Variants in ENTREP2 observed in about 807,000 individuals in gnomAD.
ENTREP2 encodes the protein protein ENTREP2.
At chr15:29,125,550 C>T in the ENTREP2 span, among the ~76,000 whole-genome samples, 4 of 152,146 alleles carry the variant, frequency 2.6e-5, no homozygotes, top group Non-Finnish European at 5.9e-5. Context: ...CCCACTGCGC[C>T]CTCTTCAGGG....
At chr15:29,645,540 G>A in the ENTREP2 span, among the ~76,000 whole-genome samples, 7 of 150,364 alleles carry the variant, frequency 4.7e-5, no homozygotes, top group Admixed American at 4.6e-4. Context: ...TTTTTCTCAT[G>A]TGATTACCTT....
At chr15:29,629,072 T>C in the ENTREP2 span, among the ~76,000 whole-genome samples, 1 of 152,178 alleles carries the variant, frequency 6.6e-6, no homozygotes, top group African/African-American at 2.4e-5. Context: ...TTTATCATTA[T>C]GTAATGTCCC....
chr15:29,224,196 G>C, the ENTREP2 span, among the ~76,000 whole-genome samples: 18 of 152,042 alleles, frequency 1.2e-4, no homozygotes, highest in Admixed American at 7.2e-4. Flanking sequence ...GAGTGTTACA[G>C]CTCTCAAATC....
the ENTREP2 span, among the ~76,000 whole-genome samples, chr15:29,649,129 G>A: frequency 6.6e-6 from 1 of 151,424 alleles, no homozygotes; most frequent in African/African-American, 2.4e-5. Context: ...ATTTGGTGAT[G>A]CTATGGGACT....
At chr15:29,139,850 G>A in the ENTREP2 span, among the ~76,000 whole-genome samples, 1 of 152,200 alleles carries the variant, frequency 6.6e-6, no homozygotes, top group Non-Finnish European at 1.5e-5. Flanking sequence ...CCATCAGTGT[G>A]TGTTTAATTA....
chr15:29,209,320 C>T, the ENTREP2 span, among the ~76,000 whole-genome samples: 1 of 151,970 alleles, frequency 6.6e-6, no homozygotes, highest in Non-Finnish European at 1.5e-5. Flanking sequence ...TGGCTAACAT[C>T]GTGAAACCCC....
chr15:29,549,186 T>C, the ENTREP2 span, among the ~76,000 whole-genome samples: 7,561 of 152,236 alleles, frequency 0.05, 593 homozygotes, highest in African/African-American at 0.17. Context: ...CCTGGAGTTC[T>C]CTGAACCTGT....
chr15:29,562,867 T>C, the ENTREP2 span, among the ~76,000 whole-genome samples: 7 of 152,276 alleles, frequency 4.6e-5, no homozygotes, highest in Non-Finnish European at 8.8e-5. Flanking sequence ...CGAAGCTCAC[T>C]GTGGCCTCAA....
At chr15:29,462,504 G>C in the ENTREP2 span, among the ~76,000 whole-genome samples, 2 of 152,088 alleles carry the variant, frequency 1.3e-5, no homozygotes, top group East Asian at 3.9e-4. Flanking sequence ...CAGCTACTCG[G>C]GAGGCTGAGG....
At chr15:29,202,850 G>A in the ENTREP2 span, among the ~76,000 whole-genome samples, 1 of 152,190 alleles carries the variant, frequency 6.6e-6, no homozygotes, top group Non-Finnish European at 1.5e-5. Flanking sequence ...ATTCCATGGT[G>A]TATATGTGCT....
At chr15:29,284,750 C>T in the ENTREP2 span, among the ~76,000 whole-genome samples, 1 of 152,088 alleles carries the variant, frequency 6.6e-6, no homozygotes, top group African/African-American at 2.4e-5. Context: ...AGCTTCTCTG[C>T]ATACTCTCTG....
the ENTREP2 span, among the ~76,000 whole-genome samples, chr15:29,133,733 G>A: frequency 0.78 from 119,151 of 152,108 alleles, 52,027 homozygotes; most frequent in Non-Finnish European, 0.97. Context: ...GTCATTCTGT[G>A]GGGCTCCCTC....
the ENTREP2 span, among the ~76,000 whole-genome samples, chr15:29,191,287 A>G: frequency 3.3e-5 from 5 of 152,326 alleles, no homozygotes; most frequent in East Asian, 9.7e-4. Context: ...CTATTTAAAT[A>G]GAGCATAAGG....
the ENTREP2 span, among the ~76,000 whole-genome samples, chr15:29,222,072 T>C: frequency 6.6e-6 from 1 of 152,200 alleles, no homozygotes; most frequent in Non-Finnish European, 1.5e-5. Flanking sequence ...TGAGACCTAC[T>C]GGGCTGCATT....
the ENTREP2 span, among the ~76,000 whole-genome samples, chr15:29,213,675 T>C: frequency 6.6e-6 from 1 of 152,160 alleles, no homozygotes; most frequent in East Asian, 1.9e-4. Context: ...CTTATCAGCT[T>C]AAGGAGATTT....
the ENTREP2 span, among the ~76,000 whole-genome samples, chr15:29,281,532 G>C: frequency 9.8e-5 from 15 of 152,292 alleles, no homozygotes; most frequent in Admixed American, 9.2e-4. Flanking sequence ...CCTCAAGCAG[G>C]GGCAACTGTC....
the ENTREP2 span, chr15:29,151,765 A>C: frequency 6.4e-7 from 1 of 1,551,792 alleles, no homozygotes; most frequent in East Asian, 2.4e-5. Context: ...GACCATCTGC[A>C]TACAGCACAT....
At chr15:29,249,990 CCG>C in the ENTREP2 span, among the ~76,000 whole-genome samples, 3 of 152,076 alleles carry the variant, frequency 2.0e-5, no homozygotes, top group Non-Finnish European at 2.9e-5. Context: ...GAGGGCAGCA[CCG>C]AGGGAATGGT....
chr15:29,570,056 C>A, the ENTREP2 span: 7 of 128,262 alleles, frequency 5.5e-5, no homozygotes, highest in East Asian at 7.2e-4. Flanking sequence ...ACCCCACCCC[C>A]CACCCCCACC....
Sources: gnomAD v4.1 joint callset for allele counts (sites outside exome capture counted in the v4.1 genomes callset) on GRCh38, gnomAD v4.1.1 for gene constraint, MANE v1.5 for transcripts, NCBI Gene and HGNC (gene_info 2026-07-23, HGNC 2026-07-21) for gene names.